The following DNAH5 variants were observed in gnomAD, a reference collection of about 807,000 sequenced individuals.
DNAH5 encodes the protein axonemal beta dynein heavy chain 5.
Under a neutral mutation model 518.2 loss-of-function variants are expected in DNAH5, and 372 were observed. That is an observed-to-expected ratio of 0.72 (90% CI 0.66 to 0.78). The LOEUF is 0.78. DNAH5 is among the 30% of genes least tolerant of loss of function. The probability of loss-of-function intolerance (pLI) is 0.00; values close to 1 mark genes in which losing one functional copy is unlikely to be tolerated. For missense variants in DNAH5, 5,523 were observed against 5,687.0 expected, an observed-to-expected ratio of 0.97 and a Z score of 0.93; for synonymous variants, 2,039 against 2,025.9, an observed-to-expected ratio of 1.01 and a Z score of -0.17.
intron 35 of DNAH5, among the ~76,000 whole-genome samples, chr5:13,833,210 G>A (rs942004946): frequency 1.1e-4 from 16 of 152,054 alleles, no homozygotes; most frequent in African/African-American, 3.6e-4. Context: ...GGAGGCCGAG[G>A]CGGATGGATC....
intron 1 of DNAH5, among the ~76,000 whole-genome samples, chr5:13,963,244 T>C (rs1294033344): frequency 6.6e-6 from 1 of 152,072 alleles, no homozygotes; most frequent in South Asian, 2.1e-4. Context: ...GAGCATATGG[T>C]CCTCCATGCC....
intron 1 of DNAH5, among the ~76,000 whole-genome samples, chr5:13,943,257 T>C (rs1212739761): frequency 6.6e-6 from 1 of 152,224 alleles, no homozygotes; most frequent in Non-Finnish European, 1.5e-5. Flanking sequence ...GCATATACTA[T>C]GGACCAAGCT....
chr5:13,912,629 T>C (rs938430118), intron 11 of DNAH5, among the ~76,000 whole-genome samples: 3 of 151,528 alleles, frequency 2.0e-5, no homozygotes, highest in Non-Finnish European at 4.4e-5. Context: ...CATACTTCTT[T>C]TAGACATTTT....
chr5:13,919,383 T>C (rs1206875465), intron 6 of DNAH5, 31 bp from the exon 7 acceptor site: 4 of 1,611,716 alleles, frequency 2.5e-6, no homozygotes, highest in Non-Finnish European at 3.4e-6. Flanking sequence ...ACACGAGCCA[T>C]TGCACGGGGC....
chr5:13,776,596 G>C lies in DNAH5; in HGVS notation c.9216C>G (p.Asp3072Glu), dbSNP rs778518716. ...RCLPTNENLH[D>E]YFMSRVRQNL... Reference sequence around the variant, plus strand: ...TCTGTCGGACCCGACTCATGAAGTAGTCGTGCAGGTTCTCATTGGTAGGAA... The same window carrying C: ...TCTGTCGGACCCGACTCATGAAGTACTCGTGCAGGTTCTCATTGGTAGGAA... Residue 3072 changes from aspartate to glutamate, a missense_variant, in exon 55 of 79, where the codon GAC becomes GAG. This residue lies in a region of DNAH5 where 5,121 missense variants were observed against 5,223.3 expected (regional missense o/e 0.98). Coordinates refer to ENST00000265104, the MANE Select transcript of DNAH5 (RefSeq NM_001369.3). 2 of 1,613,960 alleles carry C rather than the reference G, an allele frequency of 1.2e-6. No homozygotes were observed. The highest frequency in any genetic ancestry group is 1.7e-6 in the Non-Finnish European group (2 of 1,179,868).
intron 1 of DNAH5, among the ~76,000 whole-genome samples, chr5:14,011,602 G>A (rs1342883696): frequency 6.6e-6 from 1 of 152,100 alleles, no homozygotes; most frequent in African/African-American, 2.4e-5. Flanking sequence ...CGCCGCGGCG[G>A]CCCTGGCTGG....
Position 13,829,541 on chromosome 5 carries a change from T to C in DNAH5, c.6413A>G (p.Tyr2138Cys), listed in dbSNP as rs769252635. Residue 2138 changes from tyrosine to cysteine, a missense_variant, in exon 38 of 79, where the codon TAC becomes TGC. By Grantham distance (194) the Tyr-to-Cys change is radical (BLOSUM62 -2). Coordinates refer to ENST00000265104, the MANE Select transcript of DNAH5 (RefSeq NM_001369.3). ...VVLARKFFTLYKLCEEQLSKQ... is the reference protein window; with the variant it reads ...VVLARKFFTLCKLCEEQLSKQ... ...AGAAAGCTGCTCCTCACACAGTTTG[T>C]AGAGCGTGAAAAACTTCCTGGCCAA... 2 of 1,614,128 alleles carry C rather than the reference T, an allele frequency of 1.2e-6. No individual in the cohort carries two copies. The highest frequency in any genetic ancestry group is 1.7e-6 in the Non-Finnish European group (2 of 1,180,020).
chr5:13,852,685 GA>G (rs1173261624), intron 30 of DNAH5, among the ~76,000 whole-genome samples: 5 of 152,274 alleles, frequency 3.3e-5, no homozygotes, highest in Admixed American at 6.5e-5. Context: ...TTGGTGGGGG[GA>G]GGGGGGTCCA....
intron 52 of DNAH5, among the ~76,000 whole-genome samples, chr5:13,783,746 CT>C (rs1755549214): frequency 6.6e-6 from 1 of 152,188 alleles, no homozygotes; most frequent in Non-Finnish European, 1.5e-5. Context: ...ATATCATATC[CT>C]GTTTTGCTGC....
At chr5:13,824,382 G>T in intron 38 of DNAH5, 49 bp from the exon 39 acceptor site, 2 of 1,570,514 alleles carry the variant, frequency 1.3e-6, no homozygotes, top group South Asian at 1.1e-5. Flanking sequence ...TAAAATACTT[G>T]CAGAAGCCAT....
At chr5:14,000,059 T>C (rs1581148069) in intron 1 of DNAH5, among the ~76,000 whole-genome samples, 2 of 152,340 alleles carry the variant, frequency 1.3e-5, no homozygotes, top group East Asian at 3.9e-4. Flanking sequence ...CACAATATAT[T>C]TGGAAACCCC....
intron 61 of DNAH5, among the ~76,000 whole-genome samples, chr5:13,757,080 C>T (rs1012965425): frequency 4.6e-5 from 7 of 152,160 alleles, no homozygotes; most frequent in Admixed American, 1.3e-4. Flanking sequence ...TGTACATGTA[C>T]CACATTTTCT....
chr5:13,787,609 A>C (rs1756272459), intron 51 of DNAH5, among the ~76,000 whole-genome samples: 4 of 143,614 alleles, frequency 2.8e-5, no homozygotes, highest in East Asian at 2.2e-4. Flanking sequence ...GGCCCCCAAA[A>C]TGCAGCAGTT....
intron 47 of DNAH5, among the ~76,000 whole-genome samples, chr5:13,802,133 G>A (rs1341867467): frequency 6.6e-6 from 1 of 152,074 alleles, no homozygotes; most frequent in Non-Finnish European, 1.5e-5. Flanking sequence ...TTTGAGAATA[G>A]ACAATCACTT....
At chr5:13,955,080 G>T (rs1339111478) in intron 1 of DNAH5, among the ~76,000 whole-genome samples, 1 of 152,174 alleles carries the variant, frequency 6.6e-6, no homozygotes, top group African/African-American at 2.4e-5. Flanking sequence ...CGTATTGAAG[G>T]TGGAGGCTGG....
Position 13,839,366 on chromosome 5 carries a change from G to A in DNAH5, c.5872C>T (p.Leu1958Phe), listed in dbSNP as rs999676521. Residue 1958 changes from leucine to phenylalanine, a missense_variant, in exon 35 of 79, where the codon CTT becomes TTT. Physicochemically the swap from Leu to Phe is conservative, Grantham distance 22. Transcript: ENST00000265104. ...GAAGGGTTCCATCACCTGTCTGTAA[G>A]TGGAGTTATTACAAGCCTGTCAGTG... ...GCTDRLVITPLTDRCYITLAQ... is the reference protein window; with the variant it reads ...GCTDRLVITPFTDRCYITLAQ... 4.3e-6 allele frequency: 7 copies of A among 1,613,924 alleles called. No individual in the cohort carries two copies. Among genetic ancestry groups the A allele is most frequent in the Non-Finnish European group, 5.9e-6 (7 of 1,179,926 alleles).
chr5:13,719,098 C>T lies in DNAH5; in HGVS notation c.12283G>A (p.Gly4095Arg). 1 of 1,613,400 alleles carries T rather than the reference C, an allele frequency of 6.2e-7. No individual in the cohort carries two copies. Reference protein sequence around the residue: ...KLLQQTMANGGWALLQNCHLG... With the variant: ...KLLQQTMANGRWALLQNCHLG... ...TGGCAGTTCTGCAGAAGTGCCCATC[C>T]TCCCTGTCAATAGCAGTAAACGGAA... Residue 4095 changes from glycine to arginine, a missense_variant, in exon 72 of 79, where the codon GGA becomes AGA. Gly to Arg is a moderately radical substitution (Grantham distance 125, BLOSUM62 -2). Transcript: ENST00000265104.
At chr5:13,800,662 A>T (rs1458717537) in intron 47 of DNAH5, among the ~76,000 whole-genome samples, 1 of 152,192 alleles carries the variant, frequency 6.6e-6, no homozygotes. Context: ...CTTATGACTC[A>T]TACACAATGG....
intron 65 of DNAH5, among the ~76,000 whole-genome samples, chr5:13,740,083 C>A (rs537902268): frequency 6.6e-6 from 1 of 152,212 alleles, no homozygotes; most frequent in East Asian, 1.9e-4. Context: ...GATGCTCTGG[C>A]CAAAACCTTT....
Sources: gnomAD v4.1 joint callset for allele counts (sites outside exome capture counted in the v4.1 genomes callset) on GRCh38, gnomAD v4.1.1 for gene constraint, gnomAD v4.1.1 regional missense constraint, MANE v1.5 for transcripts, NCBI Gene and HGNC (gene_info 2026-07-23, HGNC 2026-07-21) for gene names.